ATP2B2: variants seen among roughly 807,000 people sequenced by gnomAD.
ATP2B2 encodes ATPase plasma membrane Ca2+ transporting 2.
Under a neutral mutation model 120.0 loss-of-function variants are expected in ATP2B2, and 15 were observed. That is an observed-to-expected ratio of 0.12 (90% CI 0.08 to 0.19). The LOEUF is 0.19. Among genes scored for constraint, ATP2B2 ranks in the 10% least tolerant of loss-of-function variants. The pLI is 1.00. For missense variants in ATP2B2, 1,045 were observed against 1,719.8 expected (o/e 0.61, Z 6.94); for synonymous variants, 694 against 700.3 (o/e 0.99, Z 0.14).
upstream of ATP2B2, among the ~76,000 whole-genome samples, chr3:10,509,010 C>G (rs1178685679): frequency 6.6e-6 from 1 of 152,130 alleles, no homozygotes; most frequent in Non-Finnish European, 1.5e-5. Flanking sequence ...TTGGCCAGAC[C>G]ATGTTTTTCT....
At chr3:10,385,664 G>T (rs1325882553) in intron 7 of ATP2B2, among the ~76,000 whole-genome samples, 1 of 152,224 alleles carries the variant, frequency 6.6e-6, no homozygotes, top group African/African-American at 2.4e-5. Flanking sequence ...AGGGCTCCAT[G>T]AAATGAGGAG....
intron 1 of ATP2B2, among the ~76,000 whole-genome samples, chr3:10,476,220 A>T (rs77256414): frequency 0.015 from 2,347 of 152,350 alleles, 42 homozygotes; most frequent in South Asian, 0.036. Context: ...AGATCAGGCC[A>T]TCTTTAGCTG....
chr3:10,543,019 C>T (rs2067472272), intron 2 of ATP2B2, among the ~76,000 whole-genome samples: 1 of 152,164 alleles, frequency 6.6e-6, no homozygotes, highest in Non-Finnish European at 1.5e-5. Context: ...ATTTTGTTTT[C>T]CAGCCTGCTT....
Position 10,326,414 on chromosome 3 carries a change from C to T in ATP2B2, c.*2400G>A, listed in dbSNP as rs117060922. On this transcript the variant is annotated 3_prime_UTR_variant, in exon 23 of 23. Coordinates refer to ENST00000360273, the MANE Select transcript of ATP2B2 (RefSeq NM_001001331.4). ...AGGCTCCACTGAGAACCCCTCCTGG[C>T]TCCGAATGAACATGGAGCATGGTGT... The T allele has an allele frequency of 5.3e-4, 153 of 288,002 alleles. 2 individuals carry two copies. In the East Asian group the frequency reaches 8.0e-3, roughly 15 times the overall value. 17.8% of individuals were successfully genotyped at this position (288,002 alleles called of 1,614,324 possible).
At chr3:10,516,774 A>C (rs1455177678) in intron 3 of ATP2B2, among the ~76,000 whole-genome samples, 2 of 152,260 alleles carry the variant, frequency 1.3e-5, no homozygotes, top group African/African-American at 4.8e-5. Flanking sequence ...CCGTGCCCAC[A>C]GCCTTCCTGG....
chr3:10,653,687 T>G (rs58501137), intron 1 of ATP2B2, among the ~76,000 whole-genome samples: 9,674 of 152,274 alleles, frequency 0.064, 766 homozygotes, highest in African/African-American at 0.2. Flanking sequence ...TTACTTGATC[T>G]AATCTTCACT....
intron 1 of ATP2B2, among the ~76,000 whole-genome samples, chr3:10,460,097 C>G (rs1381122089): frequency 6.6e-6 from 1 of 152,222 alleles, no homozygotes; most frequent in Non-Finnish European, 1.5e-5. Flanking sequence ...GGGCTGGGGC[C>G]TAGGGAGCTG....
intron 1 of ATP2B2, among the ~76,000 whole-genome samples, chr3:10,683,760 G>GTGTGTGTGTGTGTA (rs1446781892): frequency 1.9e-5 from 1 of 53,902 alleles, no homozygotes; most frequent in Non-Finnish European, 3.8e-5. Flanking sequence ...GTGTGTGTGT[G>GTGTGTGTGTGTGTA]TATATATATA....
At chr3:10,501,372 GGTT>G (rs2066384693) in intron 1 of ATP2B2, among the ~76,000 whole-genome samples, 1 of 138,060 alleles carries the variant, frequency 7.2e-6, no homozygotes. Context: ...TTTTTTAAAC[GGTT>G]TTTTTTTTTT....
At chr3:10,431,843 A>C (rs2063325769) in intron 2 of ATP2B2, among the ~76,000 whole-genome samples, 1 of 152,194 alleles carries the variant, frequency 6.6e-6, no homozygotes, top group Admixed American at 6.5e-5. Flanking sequence ...TTTTCCAAAA[A>C]GGGGGTGGGC....
rs140056973 is a variant in ATP2B2 at position 10,435,249 on chromosome 3, C to T, written c.199+14096G>A. Among the ~76,000 whole-genome samples, 1,185 of 152,316 alleles carry T rather than the reference C, an allele frequency of 7.8e-3. 15 individuals are homozygous for T. Among genetic ancestry groups the T allele is most frequent in the Admixed American group, 0.031 (467 of 15,302 alleles). On this transcript the variant is annotated intron_variant, in intron 2 of 22. Coordinates refer to ENST00000360273, the MANE Select transcript of ATP2B2 (RefSeq NM_001001331.4). Reference sequence around the variant, plus strand: ...ACCGGAGCATGGGGCAGCACTTTCCCTCCGGCTCCCATCCTAAATCAGATC... The same window carrying T: ...ACCGGAGCATGGGGCAGCACTTTCCTTCCGGCTCCCATCCTAAATCAGATC...
intron 2 of ATP2B2, among the ~76,000 whole-genome samples, chr3:10,413,291 C>A (rs552698803): frequency 2.0e-5 from 3 of 152,346 alleles, no homozygotes; most frequent in South Asian, 4.1e-4. Flanking sequence ...AGATGCTGAC[C>A]ATGAGATCTC....
At chr3:10,530,493 C>A (rs552273863) in intron 3 of ATP2B2, among the ~76,000 whole-genome samples, 13 of 152,312 alleles carry the variant, frequency 8.5e-5, no homozygotes, top group South Asian at 6.2e-4. Context: ...CTGGCTCTGA[C>A]GAGTGGTTAC....
At chr3:10,435,167 T>A (rs758083791) in intron 2 of ATP2B2, among the ~76,000 whole-genome samples, 19 of 152,156 alleles carry the variant, frequency 1.2e-4, no homozygotes, top group Non-Finnish European at 2.5e-4. Context: ...GAGTGGCATC[T>A]CCCACGTCAG....
intron 1 of ATP2B2, among the ~76,000 whole-genome samples, chr3:10,464,645 T>C (rs1043248116): frequency 3.3e-5 from 5 of 152,194 alleles, no homozygotes; most frequent in Admixed American, 2.0e-4. Context: ...CAGAAGCCTC[T>C]ACCTTCCATG....
Position 10,325,586 on chromosome 3 carries a change from C to G in ATP2B2, c.*3228G>C, listed in dbSNP as rs942948383. The G allele has an allele frequency of 4.6e-5, 7 of 152,224 alleles. No homozygotes were observed. The highest frequency in any genetic ancestry group is 1.7e-4 in the African/African-American group (7 of 41,440). The allele number at this position is 152,224 out of a possible 1,614,324, so 9.4% of individuals were successfully genotyped here. A position where few individuals can be genotyped will look rare whatever the true frequency, so the allele number is the denominator to read the frequency against. ...AATTGGTCCAGTCTCAGAAATAGGA[C>G]TGCCTCTCTCTTGTCATCTCTATGC... On this transcript the variant is annotated 3_prime_UTR_variant, in exon 23 of 23. Coordinates refer to ENST00000360273, the MANE Select transcript of ATP2B2 (RefSeq NM_001001331.4).
chr3:10,348,469 C>T (rs946164818), intron 16 of ATP2B2, among the ~76,000 whole-genome samples: 21 of 152,356 alleles, frequency 1.4e-4, no homozygotes, highest in Admixed American at 1.2e-3. Context: ...ACGGGGTGCT[C>T]GTGGTGGGCA....
At chr3:10,459,458 C>T (rs2064395899) in intron 1 of ATP2B2, among the ~76,000 whole-genome samples, 1 of 152,216 alleles carries the variant, frequency 6.6e-6, no homozygotes, top group South Asian at 2.1e-4. Context: ...ACATTGTACT[C>T]TGGTTTCAGC....
chr3:10,484,212 C>G (rs1482840676), intron 1 of ATP2B2, among the ~76,000 whole-genome samples: 7 of 152,152 alleles, frequency 4.6e-5, no homozygotes, highest in Non-Finnish European at 1.0e-4. Context: ...TTCCTGGAAA[C>G]TCTGGAGGCA....
Sources: allele counts gnomAD v4.1 joint callset (sites outside exome capture counted in the v4.1 genomes callset), GRCh38; gene constraint gnomAD v4.1.1; transcripts MANE v1.5; gene names NCBI Gene and HGNC (gene_info 2026-07-23, HGNC 2026-07-21).